The following GALNT13 variants were observed in gnomAD, a reference collection of about 807,000 sequenced individuals.
The protein encoded by GALNT13 is UDP-GalNAc:polypeptide N-acetylgalactosaminyltransferase 13.
A neutral mutation model predicts 64.2 loss-of-function variants in GALNT13; 28 were observed. The observed-to-expected ratio is 0.44, with a 90% CI of 0.32 to 0.60. The LOEUF (loss-of-function observed/expected upper bound fraction) is 0.60, where lower values mean the gene tolerates loss of function less well. Ranked by LOEUF, GALNT13 falls within the 20% of genes least tolerant of loss-of-function variation. GALNT13 has a pLI of 0.05. For synonymous variants in GALNT13, 214 were observed against 224.6 expected, an observed-to-expected ratio of 0.95 and a Z score of 0.42; for missense variants, 577 against 669.8, an observed-to-expected ratio of 0.86 and a Z score of 1.53.
At chr2:153,082,592 T>TAAATA in the GALNT13 span, among the ~76,000 whole-genome samples, 2 of 39,762 alleles carry the variant, frequency 5.0e-5, no homozygotes, top group African/African-American at 2.2e-4. Context: ...TATATATATA[T>TAAATA]ATATATATAT....
chr2:153,823,247 C>G, the GALNT13 span, among the ~76,000 whole-genome samples: 1 of 152,136 alleles, frequency 6.6e-6, no homozygotes, highest in South Asian at 2.1e-4. Context: ...CTACCAATAT[C>G]ATTTTTCACA....
At chr2:154,194,187 G>A (rs1198547417) in intron 4 of GALNT13, among the ~76,000 whole-genome samples, 1 of 152,130 alleles carries the variant, frequency 6.6e-6, no homozygotes, top group Admixed American at 6.6e-5. Flanking sequence ...TTGCAGCCAA[G>A]TTTAAGTCTT....
chr2:153,253,680 G>T, the GALNT13 span, among the ~76,000 whole-genome samples: 23 of 150,434 alleles, frequency 1.5e-4, no homozygotes, highest in South Asian at 4.2e-4. Context: ...TAGCATGAAG[G>T]GTTGTTGAAT....
the GALNT13 span, among the ~76,000 whole-genome samples, chr2:153,521,870 G>A: frequency 2.6e-5 from 4 of 152,062 alleles, no homozygotes. Flanking sequence ...TGGCTTGACA[G>A]CTCAGCTCAT....
At chr2:154,320,611 A>T (rs964192708) in intron 9 of GALNT13, among the ~76,000 whole-genome samples, 50 of 152,324 alleles carry the variant, frequency 3.3e-4, no homozygotes, top group African/African-American at 1.2e-3. Context: ...CATGAACAAT[A>T]GCATAAAAGT....
At chr2:153,940,391 G>A (rs551814382) in intron 2 of GALNT13, among the ~76,000 whole-genome samples, 1 of 151,622 alleles carries the variant, frequency 6.6e-6, no homozygotes, top group East Asian at 1.9e-4. Context: ...CTGAGTAGTT[G>A]GGATTACAGG....
chr2:154,394,402 A>G (rs1698962712), intron 9 of GALNT13, among the ~76,000 whole-genome samples: 1 of 152,188 alleles, frequency 6.6e-6, no homozygotes, highest in Non-Finnish European at 1.5e-5. Flanking sequence ...TGGAGCCAGA[A>G]CTACCAAATC....
At chr2:153,906,952 A>G (rs1387965728) in intron 2 of GALNT13, among the ~76,000 whole-genome samples, 1 of 151,656 alleles carries the variant, frequency 6.6e-6, no homozygotes, top group Non-Finnish European at 1.5e-5. Flanking sequence ...CTGGTGTGAG[A>G]TGGTATCTCA....
chr2:153,485,240 A>G, the GALNT13 span, among the ~76,000 whole-genome samples: 2 of 152,176 alleles, frequency 1.3e-5, no homozygotes, highest in Admixed American at 1.3e-4. Context: ...TTCGTAAGAC[A>G]TATTTGTAAA....
At chr2:154,315,648 G>A (rs1053166851) in intron 9 of GALNT13, among the ~76,000 whole-genome samples, 12 of 152,020 alleles carry the variant, frequency 7.9e-5, no homozygotes, top group African/African-American at 2.7e-4. Context: ...TATATTAATT[G>A]CCTAAAAATG....
At chr2:153,726,205 A>G in the GALNT13 span, among the ~76,000 whole-genome samples, 2 of 152,206 alleles carry the variant, frequency 1.3e-5, no homozygotes, top group African/African-American at 2.4e-5. Flanking sequence ...CACTATATAA[A>G]TGAACTTTAC....
rs1357032052 is a variant in GALNT13, at chr2:153,927,124, T to C, written c.-104-17270T>C. Among the ~76,000 whole-genome samples, 3 of 152,202 alleles carry C rather than the reference T, an allele frequency of 2.0e-5. No individual in the cohort carries two copies. The East Asian group carries it at 5.8e-4, about 29-fold the overall frequency. On this transcript the variant is annotated intron_variant, in intron 2 of 12. Transcript: ENST00000392825. ...ATTACTAGTTCAAAGTATATGATAATTTTTAAGAAAATGGGTCAAAAATCT... is the reference window on the plus strand; with the variant it reads ...ATTACTAGTTCAAAGTATATGATAACTTTTAAGAAAATGGGTCAAAAATCT...
At chr2:153,309,614 C>T in the GALNT13 span, among the ~76,000 whole-genome samples, 1 of 151,862 alleles carries the variant, frequency 6.6e-6, no homozygotes, top group Middle Eastern at 3.2e-3. Context: ...TCTTTTCTGA[C>T]AAGCTTCAAA....
At chr2:153,174,997 T>G in the GALNT13 span, among the ~76,000 whole-genome samples, 2 of 152,136 alleles carry the variant, frequency 1.3e-5, no homozygotes, top group Non-Finnish European at 2.9e-5. Context: ...CTAGGATTAT[T>G]AGATTTGATT....
the GALNT13 span, among the ~76,000 whole-genome samples, chr2:153,270,550 C>A: frequency 0.082 from 12,525 of 152,210 alleles, 593 homozygotes; most frequent in South Asian, 0.12. Context: ...GCTCCAAATG[C>A]AGTTTAAGCT....
intron 9 of GALNT13, among the ~76,000 whole-genome samples, chr2:154,322,105 T>C (rs1694652513): frequency 6.6e-6 from 1 of 150,856 alleles, no homozygotes; most frequent in African/African-American, 2.4e-5. Flanking sequence ...GAAAGTAACT[T>C]GGAAATTTTG....
the GALNT13 span, among the ~76,000 whole-genome samples, chr2:153,526,707 G>A: frequency 2.0e-5 from 3 of 151,906 alleles, no homozygotes; most frequent in Non-Finnish European, 4.4e-5. Flanking sequence ...AATAAATAAG[G>A]CATCAGAGAC....
At chr2:154,092,457 A>G (rs1218555874) in intron 3 of GALNT13, among the ~76,000 whole-genome samples, 1 of 152,030 alleles carries the variant, frequency 6.6e-6, no homozygotes, top group Non-Finnish European at 1.5e-5. Flanking sequence ...TTTGGAATTT[A>G]AAAGCATCTA....
At chr2:153,952,916 G>A (rs977548527) in intron 3 of GALNT13, among the ~76,000 whole-genome samples, 1 of 152,120 alleles carries the variant, frequency 6.6e-6, no homozygotes, top group Admixed American at 6.6e-5. Flanking sequence ...CATCCATCAC[G>A]GAAGAAAGAT....
Sources: allele counts gnomAD v4.1 joint callset (sites outside exome capture counted in the v4.1 genomes callset), GRCh38; gene constraint gnomAD v4.1.1; transcripts MANE v1.5; gene names NCBI Gene and HGNC (gene_info 2026-07-23, HGNC 2026-07-21).